Variants in PRKN observed in about 807,000 individuals in gnomAD.
The protein encoded by PRKN is E3 ubiquitin-protein ligase parkin.
Under a neutral mutation model 59.5 loss-of-function variants are expected in PRKN, and 56 were observed. The ratio of observed to expected loss-of-function variants is 0.94; its 90% CI spans 0.76 to 1.18. PRKN has a LOEUF of 1.18. Ranked by LOEUF, PRKN falls within the 50% of genes most tolerant of loss-of-function variation. PRKN has a pLI of 0.00. For missense variants in PRKN, 657 were observed against 596.4 expected, an observed-to-expected ratio of 1.10 and a Z score of -1.06; for synonymous variants, 250 against 222.1, an observed-to-expected ratio of 1.13 and a Z score of -1.12.
At chr6:161,532,333 T>C (rs929842632) in intron 9 of PRKN, among the ~76,000 whole-genome samples, 3 of 152,124 alleles carry the variant, frequency 2.0e-5, no homozygotes, top group Admixed American at 6.6e-5. Flanking sequence ...AACTTTTTCA[T>C]TGGTAAAATG....
In PRKN at chr6:161,575,847, C is replaced by T. The variant is rs1443811419; in HGVS notation, c.872-6431G>A. On this transcript the variant is annotated intron_variant, in intron 7 of 11. Transcript: ENST00000366898. The surrounding 1 kb of genome is among the most constrained non-coding windows in gnomAD (Gnocchi z 4.6). ...ATTACAGTGACCTTCTATTTCCCCC[C>T]TAAGTACAACTTAGAAAAGGAAACC... 1.3e-5 allele frequency among the ~76,000 whole-genome samples: 2 copies of T among 152,174 alleles called. No homozygotes were observed. The highest frequency in any genetic ancestry group is 4.8e-5 in the African/African-American group (2 of 41,436).
At chr6:162,465,535 T>A (rs996794724) in intron 1 of PRKN, among the ~76,000 whole-genome samples, 2 of 152,194 alleles carry the variant, frequency 1.3e-5, no homozygotes, top group African/African-American at 4.8e-5. Flanking sequence ...AGAAGCAGAT[T>A]AAACAAATGA....
At chr6:161,920,095 T>TAACACC (rs1447524961) in intron 6 of PRKN, among the ~76,000 whole-genome samples, 2 of 152,146 alleles carry the variant, frequency 1.3e-5, no homozygotes, top group Non-Finnish European at 2.9e-5. Flanking sequence ...TTGGAAACCA[T>TAACACC]AACACCGGCT....
At chr6:162,671,455 C>T (rs866986401) in intron 1 of PRKN, among the ~76,000 whole-genome samples, 4 of 149,156 alleles carry the variant, frequency 2.7e-5, no homozygotes, top group South Asian at 2.1e-4. Flanking sequence ...GCCGAGATTG[C>T]GCCACTGCAC....
chr6:162,086,728 A>G (rs1779260997), intron 4 of PRKN, among the ~76,000 whole-genome samples: 2 of 152,148 alleles, frequency 1.3e-5, no homozygotes, highest in African/African-American at 2.4e-5. Context: ...GCAGCTCTTC[A>G]AATACTTCTC....
In PRKN at chr6:161,361,132, A is replaced by T. The variant is rs1300527422; in HGVS notation, c.1168-927T>A. Among the ~76,000 whole-genome samples, 1 of 152,212 alleles carries T rather than the reference A, an allele frequency of 6.6e-6. No individual in the cohort carries two copies. The highest frequency in any genetic ancestry group is 2.4e-5 in the African/African-American group (1 of 41,456). Reference sequence around the variant, plus strand: ...CTTGACATCTGTGACCTTAAGGACCAGCCATTCGCTGATTATCCCCAGATA... The same window carrying T: ...CTTGACATCTGTGACCTTAAGGACCTGCCATTCGCTGATTATCCCCAGATA... On this transcript the variant is annotated intron_variant, in intron 10 of 11. Coordinates refer to ENST00000366898, the MANE Select transcript of PRKN (RefSeq NM_004562.3). The surrounding 1 kb of genome is among the most constrained non-coding windows in gnomAD (Gnocchi z 5.2).
At chr6:162,699,234 G>A (rs1258004129) in intron 1 of PRKN, among the ~76,000 whole-genome samples, 2 of 152,098 alleles carry the variant, frequency 1.3e-5, no homozygotes, top group African/African-American at 2.4e-5. Context: ...TGAAGAATAT[G>A]AAATCACTCT....
intron 5 of PRKN, among the ~76,000 whole-genome samples, chr6:162,026,392 A>G (rs1050654393): frequency 6.6e-6 from 1 of 152,186 alleles, no homozygotes; most frequent in Non-Finnish European, 1.5e-5. Flanking sequence ...ACTCTCCTGG[A>G]AAGAACCAGA....
At chr6:162,044,257 G>C (rs978757905) in intron 5 of PRKN, among the ~76,000 whole-genome samples, 8 of 152,190 alleles carry the variant, frequency 5.3e-5, no homozygotes, top group Non-Finnish European at 8.8e-5. Context: ...AACATGCTGA[G>C]ATTACGCCTA....
intron 1 of PRKN, among the ~76,000 whole-genome samples, chr6:162,668,826 C>CT (rs1320936761): frequency 6.6e-6 from 1 of 152,116 alleles, no homozygotes; most frequent in African/African-American, 2.4e-5. Context: ...GACCTTTCAG[C>CT]TGTACTTCTT....
At chr6:161,422,803 C>G (rs1271691747) in intron 9 of PRKN, among the ~76,000 whole-genome samples, 1 of 152,116 alleles carries the variant, frequency 6.6e-6, no homozygotes, top group Non-Finnish European at 1.5e-5. Context: ...GACATATTTT[C>G]AAAGCTACTT....
rs146336247 is a variant in PRKN, at chr6:161,366,852, G to A, written c.1168-6647C>T. 3.3e-3 allele frequency among the ~76,000 whole-genome samples: 497 copies of A among 152,014 alleles called. 6 individuals are homozygous for A. Among genetic ancestry groups the A allele is most frequent in the African/African-American group, 0.011 (467 of 41,440 alleles). Reference sequence around the variant, plus strand: ...TTTGTTCTGACCCCGAGGCACCCTTGGAGTCTCTCTGAATCTGCTGTAATT... The same window carrying A: ...TTTGTTCTGACCCCGAGGCACCCTTAGAGTCTCTCTGAATCTGCTGTAATT... On this transcript the variant is annotated intron_variant, in intron 10 of 11. Coordinates refer to ENST00000366898, the MANE Select transcript of PRKN (RefSeq NM_004562.3).
chr6:162,616,044 G>A (rs2803050), intron 1 of PRKN, among the ~76,000 whole-genome samples: 93,167 of 152,046 alleles, frequency 0.61, 29,255 homozygotes, highest in African/African-American at 0.75. Context: ...ACCATGAGCT[G>A]TCACCCAGGA....
intron 6 of PRKN, among the ~76,000 whole-genome samples, chr6:161,950,372 C>G (rs1435181727): frequency 1.3e-5 from 2 of 152,090 alleles, no homozygotes; most frequent in African/African-American, 4.8e-5. Flanking sequence ...AGACGAAATC[C>G]TGTCTCTACA....
Position 161,445,795 on chromosome 6 carries a change from TTTCCCTTCCCTTCCCTTCCC to T in PRKN, c.1084-58938_1084-58919del, listed in dbSNP as rs11272825. Among the ~76,000 whole-genome samples, 4 of 149,402 alleles carry T rather than the reference TTTCCCTTCCCTTCCCTTCCC, an allele frequency of 2.7e-5. No homozygotes were observed. The highest frequency in any genetic ancestry group is 2.1e-4 in the East Asian group (1 of 4,706). ...GGCCGCCAGCAAAGAATACAAGGGGTTTCCCTTCCCTTCCCTTCCCTTCCCTTCCCTTCCCTTCCCTATCG... is the reference window on the plus strand; with the variant it reads ...GGCCGCCAGCAAAGAATACAAGGGGTTTCCCTTCCCTTCCCTTCCCTATCG... On this transcript the variant is annotated intron_variant, in intron 9 of 11. Transcript: ENST00000366898. This position sits in a 1 kb window ranked among gnomAD's most constrained non-coding sequence, Gnocchi z 7.7.
At chr6:161,732,504 G>T (rs916818418) in intron 7 of PRKN, among the ~76,000 whole-genome samples, 10 of 145,356 alleles carry the variant, frequency 6.9e-5, no homozygotes, top group African/African-American at 2.5e-4. Flanking sequence ...TGTGTGTGTG[G>T]AGATAATTCA....
intron 10 of PRKN, among the ~76,000 whole-genome samples, chr6:161,380,787 A>G (rs1341253033): frequency 1.1e-4 from 16 of 152,188 alleles, no homozygotes; most frequent in Non-Finnish European, 1.5e-5. Context: ...AAAAATAAAG[A>G]TATTTAACAA....
At chr6:162,122,526 C>T (rs1780956159) in intron 4 of PRKN, among the ~76,000 whole-genome samples, 1 of 152,168 alleles carries the variant, frequency 6.6e-6, no homozygotes, top group Admixed American at 6.5e-5. Flanking sequence ...GGCACTCACA[C>T]ACATGCTTCA....
intron 2 of PRKN, among the ~76,000 whole-genome samples, chr6:162,351,818 G>GTT (rs1784638356): frequency 6.6e-6 from 1 of 151,922 alleles, no homozygotes; most frequent in Non-Finnish European, 1.5e-5. Context: ...ATACCCTGAG[G>GTT]TTTTTGTGTG....
Sources: allele counts gnomAD v4.1 joint callset (sites outside exome capture counted in the v4.1 genomes callset), GRCh38; gene constraint gnomAD v4.1.1; non-coding constraint Gnocchi (gnomAD v3.1); transcripts MANE v1.5; gene names NCBI Gene and HGNC (gene_info 2026-07-23, HGNC 2026-07-21).